The following RORA variants were observed in gnomAD, a reference collection of about 807,000 sequenced individuals.
RORA encodes nuclear receptor ROR-alpha.
A neutral mutation model predicts 69.5 loss-of-function variants in RORA; 7 were observed. That is an observed-to-expected ratio of 0.10 (90% CI 0.06 to 0.19). RORA has a LOEUF of 0.19. Ranked by LOEUF, RORA falls within the 10% of genes least tolerant of loss-of-function variation. The probability of loss-of-function intolerance (pLI) is 1.00; values close to 1 mark genes in which losing one functional copy is unlikely to be tolerated. For synonymous variants in RORA, 261 were observed against 240.8 expected (o/e 1.08, Z -0.78); for missense variants, 457 against 663.0 (o/e 0.69, Z 3.41).
Position 61,196,443 on chromosome 15 carries a change from C to T in RORA, c.166+32610G>A, listed in dbSNP as rs575731880. Reference sequence around the variant, plus strand: ...TCTGAAGGTCCTGTGCCTGGCCTCACAAGCCCATTACAGGTTGCAAAGATC... The same window carrying T: ...TCTGAAGGTCCTGTGCCTGGCCTCATAAGCCCATTACAGGTTGCAAAGATC... On this transcript the variant is annotated intron_variant, in intron 1 of 10. Transcript: ENST00000335670. 4.7e-4 allele frequency among the ~76,000 whole-genome samples: 72 copies of T among 152,294 alleles called. No homozygotes were observed. In the South Asian group the frequency reaches 0.011, roughly 24 times the overall value.
intron 1 of RORA, among the ~76,000 whole-genome samples, chr15:61,108,545 G>T (rs1231328412): frequency 6.6e-6 from 1 of 152,196 alleles, no homozygotes; most frequent in East Asian, 1.9e-4. Context: ...TTGAGTAGTT[G>T]TAAGAAAGAC....
intron 1 of RORA, among the ~76,000 whole-genome samples, chr15:60,940,116 T>C (rs898332742): frequency 6.6e-6 from 1 of 152,172 alleles, no homozygotes; most frequent in Non-Finnish European, 1.5e-5. Flanking sequence ...TCAGCATTTT[T>C]TGAAAATGTT....
intron 1 of RORA, among the ~76,000 whole-genome samples, chr15:60,890,732 G>T (rs137956875): frequency 6.6e-6 from 1 of 152,298 alleles, no homozygotes; most frequent in East Asian, 1.9e-4. Context: ...TAAACTACAG[G>T]CCAGAATCCT....
chr15:60,963,784 A>G (rs1401065948), intron 1 of RORA, among the ~76,000 whole-genome samples: 1 of 152,200 alleles, frequency 6.6e-6, no homozygotes, highest in African/African-American at 2.4e-5. Context: ...TGTGGATTTC[A>G]GCCCTGGCTA....
chr15:60,502,950 CCTT>C (rs2065377340), intron 7 of RORA, 83 bp from the exon 8 acceptor site: 4 of 876,008 alleles, frequency 4.6e-6, no homozygotes, highest in Admixed American at 1.7e-5. Flanking sequence ...TGTAGAGACT[CCTT>C]CTGCAACAGC....
chr15:61,216,550 A>G (rs1305980085), intron 1 of RORA, among the ~76,000 whole-genome samples: 2 of 152,072 alleles, frequency 1.3e-5, no homozygotes, highest in Non-Finnish European at 2.9e-5. Context: ...AGGGCAAGGA[A>G]TGATGGGTTG....
At position 60,502,747 on chromosome 15, in the gene RORA, G is replaced by C. The variant is rs1360208399; in HGVS notation, c.1183+13C>G. 6.6e-7 allele frequency: 1 copy of C among 1,522,798 alleles called. No individual in the cohort carries two copies. The highest frequency in any genetic ancestry group is 9.1e-7 in the Non-Finnish European group (1 of 1,097,186). 94.3% of individuals were successfully genotyped at this position (1,522,798 alleles called of 1,614,324 possible). On this transcript the variant is annotated intron_variant, in intron 8 of 10. Transcript: ENST00000335670. ...CCCTGATTTGAAGAAAAGGCACCTTGATATCCCCTTACCTAAGGATTTGAA... is the reference window on the plus strand; with the variant it reads ...CCCTGATTTGAAGAAAAGGCACCTTCATATCCCCTTACCTAAGGATTTGAA...
chr15:61,062,613 C>G (rs2078202421), intron 1 of RORA, among the ~76,000 whole-genome samples: 1 of 152,208 alleles, frequency 6.6e-6, no homozygotes, highest in Non-Finnish European at 1.5e-5. Flanking sequence ...CCCTGCTTCT[C>G]AGATGGGCGG....
chr15:60,621,286 T>A (rs2069400648), intron 2 of RORA, among the ~76,000 whole-genome samples: 1 of 152,192 alleles, frequency 6.6e-6, no homozygotes, highest in South Asian at 2.1e-4. Context: ...GCCCATCCAT[T>A]TTTTAACAAA....
chr15:60,725,779 C>T (rs1472474413), intron 1 of RORA, among the ~76,000 whole-genome samples: 1 of 152,090 alleles, frequency 6.6e-6, no homozygotes, highest in African/African-American at 2.4e-5. Flanking sequence ...TCAGTAAAGG[C>T]CATGAAATTT....
At chr15:60,763,586 A>G (rs1378489009) in intron 1 of RORA, among the ~76,000 whole-genome samples, 4 of 152,136 alleles carry the variant, frequency 2.6e-5, no homozygotes, top group Non-Finnish European at 2.9e-5. Flanking sequence ...ACTGTCACCA[A>G]TCATACGGAT....
At chr15:61,204,599 C>T (rs188063357) in intron 1 of RORA, among the ~76,000 whole-genome samples, 98 of 152,266 alleles carry the variant, frequency 6.4e-4, no homozygotes, top group African/African-American at 2.4e-3. Context: ...CTATGAGCAA[C>T]CGGAATCCAA....
chr15:60,672,885 C>G (rs2070496248), intron 2 of RORA, among the ~76,000 whole-genome samples: 1 of 152,294 alleles, frequency 6.6e-6, no homozygotes, highest in East Asian at 1.9e-4. Context: ...TTATTACTGT[C>G]AATATGAAAC....
chr15:60,906,355 ATC>A (rs1163801799), intron 1 of RORA, among the ~76,000 whole-genome samples: 4 of 152,162 alleles, frequency 2.6e-5, no homozygotes, highest in Non-Finnish European at 5.9e-5. Flanking sequence ...AATTATCACC[ATC>A]TCTCTATTCA....
At chr15:60,530,926 T>TA (rs1227773664) in intron 3 of RORA, 2 of 152,196 alleles carry the variant, frequency 1.3e-5, no homozygotes, top group Non-Finnish European at 2.9e-5. Flanking sequence ...GCCCTTCCAA[T>TA]ATAAGCATGA....
intron 1 of RORA, among the ~76,000 whole-genome samples, chr15:60,716,458 T>C (rs1257313384): frequency 6.6e-6 from 1 of 152,216 alleles, no homozygotes; most frequent in African/African-American, 2.4e-5. Flanking sequence ...TCAATACCAC[T>C]TACAGGCCAG....
intron 1 of RORA, among the ~76,000 whole-genome samples, chr15:60,718,956 A>T (rs2071255520): frequency 6.6e-6 from 1 of 152,038 alleles, no homozygotes. Context: ...GCCGTTCTGA[A>T]AGTGAGGTGT....
intron 1 of RORA, among the ~76,000 whole-genome samples, chr15:60,744,378 G>A (rs2071619268): frequency 1.3e-5 from 2 of 152,144 alleles, no homozygotes; most frequent in South Asian, 4.1e-4. Context: ...GTTTGCTTAG[G>A]GCTCTCAGTT....
In RORA at chr15:61,112,014, A is replaced by AT. The variant is rs57172434; in HGVS notation, c.166+117038_166+117039insA. Among the ~76,000 whole-genome samples, 420 of 152,328 alleles carry AT rather than the reference A, an allele frequency of 2.8e-3. 2 individuals carry two copies. Among genetic ancestry groups the AT allele is most frequent in the African/African-American group, 9.3e-3 (388 of 41,580 alleles). ...GGAGGTTGGGTTCACTGAATTAGAC[A>AT]GTACCTGAGTAACTGTGCCAGTGCA... is the stretch of plus-strand genomic sequence containing the variant. On this transcript the variant is annotated intron_variant, in intron 1 of 10. Transcript: ENST00000335670.
Sources: gnomAD v4.1 joint callset for allele counts (sites outside exome capture counted in the v4.1 genomes callset) on GRCh38, gnomAD v4.1.1 for gene constraint, MANE v1.5 for transcripts, NCBI Gene and HGNC (gene_info 2026-07-23, HGNC 2026-07-21) for gene names.